The following SBF2 variants were observed in gnomAD, a reference collection of about 807,000 sequenced individuals.
SBF2 encodes the protein SET binding factor 2.
In SBF2, 112 loss-of-function variants were observed where a neutral mutation model predicts 225.2. The observed-to-expected ratio is 0.50, with a 90% CI of 0.43 to 0.58. The LOEUF (loss-of-function observed/expected upper bound fraction) is 0.58, where lower values mean the gene tolerates loss of function less well. SBF2 is among the 20% of genes least tolerant of loss of function. SBF2 has a pLI of 0.00. For missense variants in SBF2, 1,996 were observed against 2,206.2 expected, an observed-to-expected ratio of 0.90 and a Z score of 1.91; for synonymous variants, 763 against 773.3, an observed-to-expected ratio of 0.99 and a Z score of 0.22.
chr11:10,232,665 C>T (rs1958907382), intron 1 of SBF2, among the ~76,000 whole-genome samples: 1 of 151,086 alleles, frequency 6.6e-6, no homozygotes. Flanking sequence ...CTGGGCTCAA[C>T]CAATCCGCCT....
chr11:10,110,550 C>T (rs1489802624), intron 2 of SBF2, among the ~76,000 whole-genome samples: 4 of 152,070 alleles, frequency 2.6e-5, no homozygotes, highest in African/African-American at 7.2e-5. Flanking sequence ...ATGATCACAA[C>T]AAAATTTCAT....
chr11:10,149,406 C>A (rs1955057160), intron 2 of SBF2: 1 of 152,104 alleles, frequency 6.6e-6, no homozygotes, highest in Admixed American at 6.6e-5. Context: ...TATTTTCTTT[C>A]ACTCCTGTAA....
chr11:10,060,580 A>G (rs1950403702), intron 2 of SBF2, among the ~76,000 whole-genome samples: 2 of 152,188 alleles, frequency 1.3e-5, no homozygotes, highest in South Asian at 4.1e-4. Context: ...CACAACAGAG[A>G]AAGAAAACCT....
intron 16 of SBF2, among the ~76,000 whole-genome samples, chr11:9,911,383 CAAAA>C (rs57796243): frequency 9.2e-6 from 1 of 108,188 alleles, no homozygotes; most frequent in Non-Finnish European, 1.8e-5. Flanking sequence ...GACTCTGTCT[CAAAA>C]AAAAAAAAAA....
intron 2 of SBF2, among the ~76,000 whole-genome samples, chr11:10,185,002 T>C (rs371509298): frequency 6.6e-6 from 1 of 152,194 alleles, no homozygotes; most frequent in Non-Finnish European, 1.5e-5. Flanking sequence ...TAACATAGTG[T>C]CCCCAAGGTT....
At chr11:10,101,258 C>T (rs1359020373) in intron 2 of SBF2, among the ~76,000 whole-genome samples, 4 of 152,260 alleles carry the variant, frequency 2.6e-5, no homozygotes, top group East Asian at 3.9e-4. Context: ...CATCCCTCCC[C>T]GCCTGGAGTG....
intron 23 of SBF2, 132 bp downstream of exon 23, chr11:9,846,824 C>T (rs1856583149): frequency 9.8e-7 from 1 of 1,020,034 alleles, no homozygotes; most frequent in East Asian, 2.4e-5. Flanking sequence ...GATGACTACC[C>T]TCTCAGACCC....
intron 13 of SBF2, among the ~76,000 whole-genome samples, chr11:9,974,981 A>AG (rs1946618565): frequency 1.3e-5 from 1 of 74,928 alleles, no homozygotes. Context: ...AAAAAAAAAA[A>AG]AAAAAAAGAA....
rs187790235 is a variant in SBF2, at chr11:9,865,765, T to C, written c.1930-7369A>G. ...ACTGAGGCAAAAAGAAGTAATTTGC[T>C]CAAGGGAACACTGATAGGGAGTGAC... On this transcript the variant is annotated intron_variant, in intron 17 of 39. Transcript: ENST00000256190. 7.6e-5 allele frequency among the ~76,000 whole-genome samples: 11 copies of C among 144,682 alleles called. No individual in the cohort carries two copies. The Admixed American group carries it at 7.7e-4, about 10-fold the overall frequency. The allele number at this position is 144,682 out of a possible 152,430, so 94.9% of individuals were successfully genotyped here.
chr11:10,270,821 GTC>G (rs1341432285), intron 1 of SBF2, among the ~76,000 whole-genome samples: 2 of 151,672 alleles, frequency 1.3e-5, no homozygotes, highest in East Asian at 3.9e-4. Flanking sequence ...CTGAAACCCC[GTC>G]TCTACTAAAA....
intron 2 of SBF2, among the ~76,000 whole-genome samples, chr11:10,150,960 A>C (rs1472849793): frequency 6.6e-6 from 1 of 152,170 alleles, no homozygotes; most frequent in Non-Finnish European, 1.5e-5. Flanking sequence ...TATGACTTAA[A>C]CCTTCTGGAA....
intron 1 of SBF2, among the ~76,000 whole-genome samples, chr11:10,275,093 A>G (rs765849134): frequency 5.3e-5 from 8 of 152,238 alleles, no homozygotes; most frequent in Non-Finnish European, 1.0e-4. Flanking sequence ...ATAGCCAGGG[A>G]GAAAGGATCA....
chr11:10,060,952 T>G (rs770185960), intron 2 of SBF2, among the ~76,000 whole-genome samples: 5 of 152,032 alleles, frequency 3.3e-5, no homozygotes, highest in Non-Finnish European at 7.4e-5. Flanking sequence ...AGTGTGAACC[T>G]GGAAGGTGGA....
At position 10,016,905 on chromosome 11, in the gene SBF2, T is replaced by C. The variant is rs1948674372; in HGVS notation, c.619+11547A>G. The stretch of plus-strand genomic sequence containing the variant: ...AGCTATTGAGAAATCCAGTTTCTTT[T>C]AATTTTGTAAGTCAAAATCAGTTTT... On this transcript the variant is annotated intron_variant, in intron 6 of 39. Transcript: ENST00000256190. 3 of 152,360 alleles carry C rather than the reference T, an allele frequency of 2.0e-5. No individual in the cohort carries two copies. In the South Asian group the frequency reaches 6.2e-4, roughly 32 times the overall value. The allele number at this position is 152,360 out of a possible 1,614,324, so 9.4% of individuals were successfully genotyped here.
At chr11:10,211,220 C>A (rs937511493) in intron 1 of SBF2, among the ~76,000 whole-genome samples, 1 of 152,078 alleles carries the variant, frequency 6.6e-6, no homozygotes, top group Non-Finnish European at 1.5e-5. Context: ...AGAGAAGATA[C>A]AGTTAGCTCT....
intron 6 of SBF2, among the ~76,000 whole-genome samples, chr11:10,019,937 T>C (rs934784952): frequency 6.6e-6 from 1 of 152,200 alleles, no homozygotes; most frequent in South Asian, 2.1e-4. Flanking sequence ...CTTTATGTTT[T>C]AGGAACGTAA....
intron 16 of SBF2, among the ~76,000 whole-genome samples, chr11:9,934,488 G>A (rs1380048585): frequency 6.6e-6 from 1 of 152,130 alleles, no homozygotes; most frequent in Admixed American, 6.5e-5. Flanking sequence ...CCAAAGCCTG[G>A]CAAAGACACA....
At chr11:10,039,646 C>T (rs1949577178) in intron 3 of SBF2, among the ~76,000 whole-genome samples, 1 of 151,876 alleles carries the variant, frequency 6.6e-6, no homozygotes, top group South Asian at 2.1e-4. Flanking sequence ...AACTTCTTGA[C>T]ATATGGATTC....
intron 1 of SBF2, among the ~76,000 whole-genome samples, chr11:10,287,350 T>TG (rs1963867570): frequency 6.6e-6 from 1 of 152,196 alleles, no homozygotes; most frequent in Non-Finnish European, 1.5e-5. Flanking sequence ...AGAGTGATCA[T>TG]GACTCACTGC....
Sources: gnomAD v4.1 joint callset for allele counts (sites outside exome capture counted in the v4.1 genomes callset) on GRCh38, gnomAD v4.1.1 for gene constraint, MANE v1.5 for transcripts, NCBI Gene and HGNC (gene_info 2026-07-23, HGNC 2026-07-21) for gene names.